Variants in CDH13 observed in about 807,000 individuals in gnomAD.
CDH13 encodes cadherin 13.
CDH13 carries 24 observed loss-of-function variants against 63.8 expected under a neutral mutation model. The observed-to-expected ratio is 0.38, with a 90% CI of 0.27 to 0.53. CDH13 has a LOEUF of 0.53. Ranked by LOEUF, CDH13 falls within the 20% of genes least tolerant of loss-of-function variation. The pLI is 0.85. For synonymous variants in CDH13, 503 were observed against 355.3 expected (o/e 1.42, Z -4.67); for missense variants, 1,049 against 903.1 (o/e 1.16, Z -2.07).
At chr16:82,718,293 T>A (rs1173436277) in intron 1 of CDH13, among the ~76,000 whole-genome samples, 2 of 152,158 alleles carry the variant, frequency 1.3e-5, no homozygotes, top group East Asian at 3.9e-4. Flanking sequence ...CTATTATTGG[T>A]TGAGTCCCTC....
intron 2 of CDH13, among the ~76,000 whole-genome samples, chr16:82,929,115 C>G (rs927180861): frequency 6.6e-6 from 1 of 152,050 alleles, no homozygotes; most frequent in African/African-American, 2.4e-5. Context: ...TGCTATCATT[C>G]CAATCAGGTT....
intron 6 of CDH13, among the ~76,000 whole-genome samples, chr16:83,480,821 C>T (rs1010904802): frequency 1.3e-5 from 2 of 152,128 alleles, no homozygotes; most frequent in Non-Finnish European, 2.9e-5. Context: ...CAATGAGAAT[C>T]GTTCCAACTA....
At chr16:82,897,653 C>G (rs563782332) in intron 2 of CDH13, among the ~76,000 whole-genome samples, 4 of 152,370 alleles carry the variant, frequency 2.6e-5, no homozygotes, top group South Asian at 4.1e-4. Context: ...GAAGTTGACA[C>G]TTAAAGCCCA....
At chr16:82,883,860 A>C (rs905504726) in intron 2 of CDH13, among the ~76,000 whole-genome samples, 1 of 152,184 alleles carries the variant, frequency 6.6e-6, no homozygotes, top group Non-Finnish European at 1.5e-5. Context: ...ACATAACAGA[A>C]TGCTGAAGAG....
chr16:83,071,239 C>G (rs772059125), intron 3 of CDH13, among the ~76,000 whole-genome samples: 1 of 152,140 alleles, frequency 6.6e-6, no homozygotes, highest in Non-Finnish European at 1.5e-5. Flanking sequence ...GGACTGAATG[C>G]TTCATTCAGG....
intron 3 of CDH13, among the ~76,000 whole-genome samples, chr16:83,032,914 T>A (rs1272603033): frequency 6.6e-6 from 1 of 152,188 alleles, no homozygotes; most frequent in African/African-American, 2.4e-5. Context: ...CCCACTAGAA[T>A]TGTATATGGT....
At chr16:83,345,066 TG>T (rs2090810292) in intron 6 of CDH13, 60 bp downstream of exon 6, 1 of 1,576,378 alleles carries the variant, frequency 6.3e-7, no homozygotes, top group East Asian at 2.3e-5. Context: ...CTTTGATCTT[TG>T]TGGATTCTAG....
chr16:82,650,063 A>G (rs1910547458), intron 1 of CDH13, among the ~76,000 whole-genome samples: 2 of 152,188 alleles, frequency 1.3e-5, no homozygotes, highest in Non-Finnish European at 2.9e-5. Flanking sequence ...CAGTCACTTA[A>G]AGAATGTTCT....
At chr16:83,492,149 T>C (rs1377008341) in intron 7 of CDH13, among the ~76,000 whole-genome samples, 2 of 152,018 alleles carry the variant, frequency 1.3e-5, no homozygotes, top group Non-Finnish European at 2.9e-5. Context: ...TCCAGAAACA[T>C]ACTAAAGACA....
intron 6 of CDH13, among the ~76,000 whole-genome samples, chr16:83,443,735 A>AATATATATATATAT (rs1192288855): frequency 5.0e-5 from 1 of 20,124 alleles, no homozygotes; most frequent in Admixed American, 7.7e-4. Flanking sequence ...AAAAAAAAAA[A>AATATATATATATAT]ATATATATAT....
In CDH13 at chr16:83,136,108, A is replaced by T. The variant is rs377337497; in HGVS notation, c.483+10607A>T. Reference sequence around the variant, plus strand: ...GGTGATGGGTGCACCAAAATCTCACATATCACCACTAAAGAACTTATTCAT... The same window carrying T: ...GGTGATGGGTGCACCAAAATCTCACTTATCACCACTAAAGAACTTATTCAT... On this transcript the variant is annotated intron_variant, in intron 4 of 13. Coordinates refer to ENST00000567109, the MANE Select transcript of CDH13 (RefSeq NM_001257.5). Among the ~76,000 whole-genome samples, 80 of 152,006 alleles carry T rather than the reference A, an allele frequency of 5.3e-4. 4 individuals carry two copies. In the South Asian group the frequency reaches 0.016, roughly 31 times the overall value.
intron 3 of CDH13, among the ~76,000 whole-genome samples, chr16:83,059,985 G>A (rs558725910): frequency 6.7e-4 from 101 of 151,788 alleles, no homozygotes; most frequent in African/African-American, 1.4e-3. Flanking sequence ...GAGTAGAGAC[G>A]GGGTTTCACC....
At position 83,695,826 on chromosome 16, in the gene CDH13, A is replaced by G. The variant is rs1905320958; in HGVS notation, c.1538+17365A>G. 4.6e-5 allele frequency among the ~76,000 whole-genome samples: 7 copies of G among 152,296 alleles called. No individual in the cohort carries two copies. The South Asian group carries it at 1.4e-3, about 32-fold the overall frequency. The stretch of plus-strand genomic sequence containing the variant: ...ATCATCCCTGTTCTATAGATGAGGA[A>G]GGGAGGTCGAACCTTTCGTGAGTGA... On this transcript the variant is annotated intron_variant, in intron 10 of 13. Coordinates refer to ENST00000567109, the MANE Select transcript of CDH13 (RefSeq NM_001257.5).
chr16:83,091,119 C>G (rs951045881), intron 3 of CDH13, among the ~76,000 whole-genome samples: 6 of 152,078 alleles, frequency 3.9e-5, no homozygotes, highest in Non-Finnish European at 4.4e-5. Context: ...TATTTGTAAA[C>G]ATAAAACATT....
chr16:83,090,468 G>T (rs769811403), intron 3 of CDH13, among the ~76,000 whole-genome samples: 9 of 151,868 alleles, frequency 5.9e-5, no homozygotes, highest in Non-Finnish European at 1.2e-4. Context: ...CAGCCACTTG[G>T]GAGGCTGAGG....
At chr16:83,363,760 G>T (rs1475259244) in intron 6 of CDH13, among the ~76,000 whole-genome samples, 1 of 152,206 alleles carries the variant, frequency 6.6e-6, no homozygotes, top group African/African-American at 2.4e-5. Flanking sequence ...GCAGCTCTCA[G>T]ATCCTGAGCT....
At position 83,364,476 on chromosome 16, in the gene CDH13, A is replaced by G. The variant is rs984325315; in HGVS notation, c.781+19470A>G. On this transcript the variant is annotated intron_variant, in intron 6 of 13. Coordinates refer to ENST00000567109, the MANE Select transcript of CDH13 (RefSeq NM_001257.5). ...TAAGGACCTGAACCTAGTACACAGG[A>G]AACTTACCTAAGTCTCACAACTTCC... Among the ~76,000 whole-genome samples, 9 of 152,230 alleles carry G rather than the reference A, an allele frequency of 5.9e-5. No homozygotes were observed. In the South Asian group the frequency reaches 1.9e-3, roughly 32 times the overall value.
chr16:83,782,451 C>T (rs970215002), intron 12 of CDH13, among the ~76,000 whole-genome samples: 4 of 152,094 alleles, frequency 2.6e-5, no homozygotes, highest in Admixed American at 2.6e-4. Flanking sequence ...AAAACAAAAA[C>T]AAGGCTGGAC....
chr16:82,858,945 A>G (rs1401902101), intron 2 of CDH13: 4 of 161,668 alleles, frequency 2.5e-5, no homozygotes, highest in Non-Finnish European at 4.0e-5. Context: ...CTTAAGGCTA[A>G]TAAGATGGGT....
Sources: gnomAD v4.1 joint callset for allele counts (sites outside exome capture counted in the v4.1 genomes callset) on GRCh38, gnomAD v4.1.1 for gene constraint, MANE v1.5 for transcripts, NCBI Gene and HGNC (gene_info 2026-07-23, HGNC 2026-07-21) for gene names.